The following DYNC1I1 variants were observed in gnomAD, a reference collection of about 807,000 sequenced individuals.
DYNC1I1 encodes dynein cytoplasmic 1 intermediate chain 1, also known as cytoplasmic dynein 1 intermediate chain 1.
A neutral mutation model predicts 86.6 loss-of-function variants in DYNC1I1; 43 were observed. The observed-to-expected ratio is 0.50, with a 90% confidence interval of 0.39 to 0.64. The LOEUF (loss-of-function observed/expected upper bound fraction) is 0.64, where lower values mean the gene tolerates loss of function less well. Ranked by LOEUF, DYNC1I1 falls within the 30% of genes least tolerant of loss-of-function variation. DYNC1I1 has a pLI of 0.00. For missense variants in DYNC1I1, 604 were observed against 788.8 expected, an observed-to-expected ratio of 0.77 and a Z score of 2.81; for synonymous variants, 262 against 283.7, an observed-to-expected ratio of 0.92 and a Z score of 0.77.
chr7:95,824,191 C>T (rs980211799), intron 4 of DYNC1I1, among the ~76,000 whole-genome samples: 3 of 151,022 alleles, frequency 2.0e-5, no homozygotes, highest in Admixed American at 1.3e-4. Flanking sequence ...AGAGTTTCGT[C>T]GTGTCGCCCA....
At chr7:95,946,684 C>A (rs1383223150) in intron 6 of DYNC1I1, among the ~76,000 whole-genome samples, 2 of 152,152 alleles carry the variant, frequency 1.3e-5, no homozygotes, top group African/African-American at 4.8e-5. Flanking sequence ...TTAATTCATG[C>A]ATTGAACAAA....
intron 6 of DYNC1I1, among the ~76,000 whole-genome samples, chr7:95,921,164 G>C (rs1344702837): frequency 6.6e-6 from 1 of 152,026 alleles, no homozygotes; most frequent in African/African-American, 2.4e-5. Flanking sequence ...TTAAAAGAAA[G>C]TTAAATATAT....
At chr7:95,890,719 A>C (rs1271154347) in intron 6 of DYNC1I1, among the ~76,000 whole-genome samples, 3 of 152,214 alleles carry the variant, frequency 2.0e-5, no homozygotes, top group African/African-American at 7.2e-5. Context: ...TATGTTAATA[A>C]AAATTAGGTT....
intron 14 of DYNC1I1, among the ~76,000 whole-genome samples, chr7:96,049,257 C>CAAAAAA (rs200677000): frequency 3.9e-5 from 3 of 76,018 alleles, no homozygotes; most frequent in South Asian, 5.1e-4. Context: ...GACTCCATCT[C>CAAAAAA]AAAAAAAAAA....
intron 6 of DYNC1I1, among the ~76,000 whole-genome samples, chr7:95,912,227 G>A (rs936696616): frequency 6.6e-6 from 1 of 152,074 alleles, no homozygotes; most frequent in African/African-American, 2.4e-5. Context: ...AGTAGAGAGG[G>A]GGTTTCACCA....
At chr7:95,783,165 T>G (rs1422274572) in intron 1 of DYNC1I1, among the ~76,000 whole-genome samples, 2 of 152,230 alleles carry the variant, frequency 1.3e-5, no homozygotes, top group African/African-American at 4.8e-5. Flanking sequence ...CCTTGCCTCC[T>G]GTCCATATCA....
intron 6 of DYNC1I1, among the ~76,000 whole-genome samples, chr7:95,946,694 A>T (rs1209455435): frequency 6.6e-6 from 1 of 152,234 alleles, no homozygotes; most frequent in Non-Finnish European, 1.5e-5. Context: ...CATTGAACAA[A>T]TATCTAGTAA....
At chr7:95,957,652 AT>A (rs1225272211) in intron 6 of DYNC1I1, among the ~76,000 whole-genome samples, 1 of 152,102 alleles carries the variant, frequency 6.6e-6, no homozygotes, top group African/African-American at 2.4e-5. Flanking sequence ...AGATGTCAGG[AT>A]TGGGGAAGTG....
At chr7:95,983,235 G>T (rs1487917648) in intron 7 of DYNC1I1, among the ~76,000 whole-genome samples, 1 of 152,110 alleles carries the variant, frequency 6.6e-6, no homozygotes. Context: ...AAGTTAATGG[G>T]GTCCTTGGAA....
chr7:95,934,328 G>T (rs113896349), intron 6 of DYNC1I1, among the ~76,000 whole-genome samples: 4,713 of 152,090 alleles, frequency 0.031, 109 homozygotes, highest in Middle Eastern at 0.13. Flanking sequence ...CAAAAGCTTT[G>T]GTTCCCAAAT....
At chr7:96,052,033 A>G (rs1317635161) in intron 14 of DYNC1I1, among the ~76,000 whole-genome samples, 1 of 152,146 alleles carries the variant, frequency 6.6e-6, no homozygotes, top group African/African-American at 2.4e-5. Flanking sequence ...TAAGACTGTG[A>G]GCTCCTTGAG....
At chr7:96,033,187 A>G (rs1026491218) in intron 12 of DYNC1I1, among the ~76,000 whole-genome samples, 1 of 152,188 alleles carries the variant, frequency 6.6e-6, no homozygotes, top group Admixed American at 6.6e-5. Flanking sequence ...CAGAAATCCA[A>G]GCCCTTGCTT....
intron 5 of DYNC1I1, among the ~76,000 whole-genome samples, chr7:95,842,677 A>G (rs552263353): frequency 6.6e-6 from 1 of 152,256 alleles, no homozygotes; most frequent in African/African-American, 2.4e-5. Context: ...TGGGCATTAC[A>G]TTACCTGTGC....
intron 1 of DYNC1I1, among the ~76,000 whole-genome samples, chr7:95,781,027 C>T (rs1417643046): frequency 1.3e-5 from 2 of 152,108 alleles, no homozygotes; most frequent in African/African-American, 4.8e-5. Context: ...CCTTCTCTGC[C>T]GGCTTCCTTG....
chr7:95,870,370 T>G (rs1243843050), intron 6 of DYNC1I1, among the ~76,000 whole-genome samples: 1 of 80,834 alleles, frequency 1.2e-5, no homozygotes, highest in Non-Finnish European at 2.5e-5. Context: ...TTTACATGGC[T>G]TAGCAAACTA....
chr7:95,805,680 G>T (rs1421341419), intron 2 of DYNC1I1, among the ~76,000 whole-genome samples: 1 of 152,056 alleles, frequency 6.6e-6, no homozygotes, highest in African/African-American at 2.4e-5. Context: ...ATTTGTCGTG[G>T]CAGTGTAGGA....
chr7:95,797,450 G>C (rs917958852), intron 1 of DYNC1I1, among the ~76,000 whole-genome samples: 7 of 152,172 alleles, frequency 4.6e-5, no homozygotes, highest in Admixed American at 2.6e-4. Context: ...CTTCTGAAAA[G>C]ATTGGCGATG....
chr7:96,081,187 G>C (rs1416759847), intron 16 of DYNC1I1, among the ~76,000 whole-genome samples: 1 of 151,720 alleles, frequency 6.6e-6, no homozygotes, highest in Non-Finnish European at 1.5e-5. Context: ...TTTCATTAAA[G>C]TGTAGCCAAT....
intron 5 of DYNC1I1, among the ~76,000 whole-genome samples, chr7:95,848,233 C>T (rs1285767065): frequency 5.1e-5 from 7 of 137,266 alleles, no homozygotes; most frequent in African/African-American, 1.9e-4. Flanking sequence ...TTTAACTTTA[C>T]AATGGGTTTA....
Sources: allele counts gnomAD v4.1 joint callset (sites outside exome capture counted in the v4.1 genomes callset), GRCh38; gene constraint gnomAD v4.1.1; transcripts MANE v1.5; gene names NCBI Gene and HGNC (gene_info 2026-07-23, HGNC 2026-07-21).